GIGYF2: variants seen among roughly 807,000 people sequenced by gnomAD.
GIGYF2 encodes the protein GRB10 interacting GYF protein 2.
GIGYF2 carries 25 observed loss-of-function variants against 208.1 expected under a neutral mutation model. The observed-to-expected ratio is 0.12, with a 90% CI of 0.09 to 0.17. GIGYF2 has a LOEUF of 0.17. GIGYF2 is among the 10% of genes least tolerant of loss of function. The probability of loss-of-function intolerance (pLI) is 1.00; values close to 1 mark genes in which losing one functional copy is unlikely to be tolerated. For synonymous variants in GIGYF2, 534 were observed against 543.8 expected, an observed-to-expected ratio of 0.98 and a Z score of 0.25; for missense variants, 1,302 against 1,579.4, an observed-to-expected ratio of 0.82 and a Z score of 2.98.
At chr2:232,821,823 T>C (rs1297132602) in intron 21 of GIGYF2, among the ~76,000 whole-genome samples, 4 of 152,108 alleles carry the variant, frequency 2.6e-5, no homozygotes, top group Non-Finnish European at 5.9e-5. Flanking sequence ...TACAAATAGT[T>C]TGAATTGTTT....
At chr2:232,705,413 T>A (rs1258231761) in intron 2 of GIGYF2, 1 of 152,264 alleles carries the variant, frequency 6.6e-6, no homozygotes, top group East Asian at 1.9e-4. Flanking sequence ...ATTTTTATTT[T>A]TTTATTTTTG....
intron 2 of GIGYF2, among the ~76,000 whole-genome samples, chr2:232,720,564 A>AAT (rs61010365): frequency 0.14 from 15,735 of 114,884 alleles, 1,038 homozygotes; most frequent in East Asian, 0.37. Flanking sequence ...CCAACAGTGT[A>AAT]ATATATATAT....
intron 2 of GIGYF2, chr2:232,724,663 C>T (rs1697118146): frequency 6.6e-6 from 1 of 152,162 alleles, no homozygotes; most frequent in Non-Finnish European, 1.5e-5. Context: ...CATCCTCCCA[C>T]CTCAGCCTCC....
At chr2:232,827,214 T>TTTTTTTTTTTTTTTTTTTTTTTTTTTTTG (rs1466147543) in intron 21 of GIGYF2, among the ~76,000 whole-genome samples, 2 of 152,142 alleles carry the variant, frequency 1.3e-5, no homozygotes, top group Non-Finnish European at 2.9e-5. Context: ...CATTGTTTTT[T>TTTTTTTTTTTTTTTTTTTTTTTTTTTTTG]AAGACATAAT....
rs532809142 is a variant in GIGYF2, at chr2:232,806,251, T to G, written c.1640-240T>G. On this transcript the variant is annotated intron_variant, in intron 14 of 28. Coordinates refer to ENST00000373563, the MANE Select transcript of GIGYF2 (RefSeq NM_001103146.3). This position sits in a 1 kb window ranked among gnomAD's most constrained non-coding sequence, Gnocchi z 4.0. Reference sequence around the variant, plus strand: ...GTTGTAGAGATTGAGATAGAGACAGTTATGCTCCTTATAATTGAAGTGCTG... The same window carrying G: ...GTTGTAGAGATTGAGATAGAGACAGGTATGCTCCTTATAATTGAAGTGCTG... Among the ~76,000 whole-genome samples, 4 of 152,354 alleles carry G rather than the reference T, an allele frequency of 2.6e-5. No homozygotes were observed. In the East Asian group the frequency reaches 7.7e-4, roughly 29 times the overall value.
Position 232,760,502 on chromosome 2 carries a change from T to C in GIGYF2, c.402T>C (p.Gly134=), listed in dbSNP as rs1698708319. 1 of 1,613,382 alleles carries C rather than the reference T, an allele frequency of 6.2e-7. No homozygotes were observed. The highest frequency in any genetic ancestry group is 8.5e-7 in the Non-Finnish European group (1 of 1,179,456). The change falls in exon 7 of 29, where the codon GGT becomes GGC. Residue 134 remains glycine, a synonymous_variant. Transcript: ENST00000373563. Reference sequence around the variant, plus strand: ...CAGGCAGAGGCAGAGGTGAATGTGGTTTCTACCAAAGAAGTTTTGATGAAG... The same window carrying C: ...CAGGCAGAGGCAGAGGTGAATGTGGCTTCTACCAAAGAAGTTTTGATGAAG... ...RGRGRGRGEC[G]FYQRSFDEVE...
At chr2:232,729,922 T>C in intron 2 of GIGYF2, 1 of 737,232 alleles carries the variant, frequency 1.4e-6, no homozygotes, top group Non-Finnish European at 2.5e-6. Context: ...TTACTATCTT[T>C]AGCTCCTCTT....
rs781618728 is a variant in GIGYF2, at chr2:232,847,461, C to A, written c.3574C>A (p.Leu1192Ile). The change falls in exon 27 of 29, where the codon CTT becomes ATT. Residue 1192 changes from leucine to isoleucine, a missense_variant. Leu to Ile is a conservative substitution (Grantham distance 5). Coordinates refer to ENST00000373563, the MANE Select transcript of GIGYF2 (RefSeq NM_001103146.3). ...SEAKEFAKQF[L>I]ERRAKQKANQ... The stretch of plus-strand genomic sequence containing the variant: ...GGCCAAGGAGTTTGCCAAGCAGTTC[C>A]TTGAGCGCCGTGCCAAACAGAAAGC... 2 of 1,613,864 alleles carry A rather than the reference C, an allele frequency of 1.2e-6. No homozygotes were observed. The highest frequency in any genetic ancestry group is 1.7e-5 in the Admixed American group (1 of 59,982).
chr2:232,796,870 T>C (rs1174109642), intron 14 of GIGYF2, among the ~76,000 whole-genome samples: 2 of 151,916 alleles, frequency 1.3e-5, no homozygotes, highest in African/African-American at 4.8e-5. Context: ...AAAAAAAAAT[T>C]GAATACAAGG....
At chr2:232,768,947 C>T (rs1188413057) in intron 8 of GIGYF2, 19 of 724,562 alleles carry the variant, frequency 2.6e-5, no homozygotes, top group Non-Finnish European at 3.8e-5. Context: ...GAATTGAACT[C>T]ATTGTTAATT....
intron 2 of GIGYF2, among the ~76,000 whole-genome samples, chr2:232,728,762 A>C (rs977018596): frequency 1.3e-5 from 2 of 152,084 alleles, no homozygotes; most frequent in Non-Finnish European, 2.9e-5. Context: ...CGTAATTTAG[A>C]GGGAAATAAA....
chr2:232,816,243 A>G (rs1387519895), intron 19 of GIGYF2, among the ~76,000 whole-genome samples: 1 of 152,216 alleles, frequency 6.6e-6, no homozygotes, highest in Non-Finnish European at 1.5e-5. Flanking sequence ...AGTACTTGCC[A>G]GAAAAGAATG....
chr2:232,825,098 G>T (rs1444071635), intron 21 of GIGYF2, among the ~76,000 whole-genome samples: 7 of 152,196 alleles, frequency 4.6e-5, no homozygotes, highest in Admixed American at 4.6e-4. Context: ...AGTCATCCAA[G>T]AACTCTGATG....
chr2:232,703,729 CAAG>C (rs1425283109), intron 2 of GIGYF2, among the ~76,000 whole-genome samples: 1 of 152,066 alleles, frequency 6.6e-6, no homozygotes, highest in Non-Finnish European at 1.5e-5. Flanking sequence ...TGGCAAGAAA[CAAG>C]GAGGAATGCT....
chr2:232,701,672 C>T (rs997671411), intron 1 of GIGYF2, among the ~76,000 whole-genome samples: 4 of 151,968 alleles, frequency 2.6e-5, no homozygotes, highest in South Asian at 4.1e-4. Flanking sequence ...GATACTCCCG[C>T]TTCAGCTTCC....
chr2:232,850,160 T>A (rs746686442), intron 27 of GIGYF2, 102 bp from the exon 28 acceptor site: 48 of 1,015,750 alleles, frequency 4.7e-5, no homozygotes, highest in Non-Finnish European at 7.1e-5. Context: ...TTTTCTGCTT[T>A]TAAGCTCATT....
chr2:232,700,853 G>A (rs1695809054), intron 1 of GIGYF2, among the ~76,000 whole-genome samples: 2 of 152,056 alleles, frequency 1.3e-5, no homozygotes, highest in African/African-American at 4.8e-5. Flanking sequence ...AGAAATAGAA[G>A]TTTAAAATAA....
intron 21 of GIGYF2, among the ~76,000 whole-genome samples, chr2:232,821,999 C>G (rs73997547): frequency 0.016 from 2,316 of 148,764 alleles, 70 homozygotes; most frequent in African/African-American, 0.055. Flanking sequence ...TTTGCCTGTC[C>G]TTAAATGAGT....
At chr2:232,795,020 A>G in intron 13 of GIGYF2, 76 bp downstream of exon 13, 1 of 1,095,542 alleles carries the variant, frequency 9.1e-7, no homozygotes, top group South Asian at 1.2e-5. Context: ...GAATATTCAA[A>G]CATAAAACTT....
Sources: gnomAD v4.1 joint callset for allele counts (sites outside exome capture counted in the v4.1 genomes callset) on GRCh38, gnomAD v4.1.1 for gene constraint, Gnocchi (gnomAD v3.1) non-coding constraint, MANE v1.5 for transcripts, NCBI Gene and HGNC (gene_info 2026-07-23, HGNC 2026-07-21) for gene names.